The following CBL variants were observed in gnomAD, a reference collection of about 807,000 sequenced individuals.
The protein encoded by CBL is Cbl proto-oncogene.
A neutral mutation model predicts 96.9 loss-of-function variants in CBL; 45 were observed. The ratio of observed to expected loss-of-function variants is 0.46; its 90% CI spans 0.37 to 0.60. CBL has a LOEUF of 0.60. CBL is among the 20% of genes least tolerant of loss of function. The pLI is 0.00. For missense variants in CBL, 1,024 were observed against 1,143.5 expected, an observed-to-expected ratio of 0.90 and a Z score of 1.51; for synonymous variants, 420 against 426.8, an observed-to-expected ratio of 0.98 and a Z score of 0.20.
chr11:119,261,907 G>A (rs542538197), intron 2 of CBL, among the ~76,000 whole-genome samples: 19 of 152,142 alleles, frequency 1.2e-4, no homozygotes, highest in African/African-American at 3.9e-4. Context: ...TAAAATATTT[G>A]TGCTTTAATG....
chr11:119,288,065 G>A, intron 12 of CBL, 119 bp downstream of exon 12: 2 of 703,742 alleles, frequency 2.8e-6, no homozygotes, highest in Non-Finnish European at 5.1e-6. Flanking sequence ...TCTGCACCAT[G>A]TAGAAATGAT....
chr11:119,280,313 T>G (rs1412147191), intron 9 of CBL, among the ~76,000 whole-genome samples: 1 of 152,216 alleles, frequency 6.6e-6, no homozygotes, highest in Non-Finnish European at 1.5e-5. Flanking sequence ...GATAATGGTA[T>G]TTTGTTTTTT....
chr11:119,223,780 C>T (rs1949431200), intron 1 of CBL, among the ~76,000 whole-genome samples: 1 of 152,032 alleles, frequency 6.6e-6, no homozygotes, highest in Admixed American at 6.6e-5. Context: ...GCACGTGCCA[C>T]CACACTCAGC....
At chr11:119,271,951 C>G (rs557329895) in intron 3 of CBL, 70 bp downstream of exon 3, 10 of 1,447,260 alleles carry the variant, frequency 6.9e-6, no homozygotes, top group Non-Finnish European at 9.6e-6. Flanking sequence ...TACTTTTTTA[C>G]TAATGAAATA....
At chr11:119,227,122 A>G (rs1425313292) in intron 1 of CBL, among the ~76,000 whole-genome samples, 1 of 152,146 alleles carries the variant, frequency 6.6e-6, no homozygotes, top group East Asian at 1.9e-4. Flanking sequence ...TATCCATATA[A>G]CCATTCTGCC....
At position 119,308,063 on chromosome 11, in the gene CBL, TAC is replaced by T. The variant is rs948058817; in HGVS notation, c.*8286_*8287del. Reference sequence around the variant, plus strand: ...ATTTATTAATTTTTTTTCATTTCCATACACAGTTAGTTAACTAAAGAGCTTTT... The same window carrying T: ...ATTTATTAATTTTTTTTCATTTCCATACAGTTAGTTAACTAAAGAGCTTTT... On this transcript the variant is annotated 3_prime_UTR_variant, in exon 16 of 16. Coordinates refer to ENST00000264033, the MANE Select transcript of CBL (RefSeq NM_005188.4). The T allele has an allele frequency of 1.7e-4, 31 of 178,496 alleles. 2 individuals carry two copies. Among genetic ancestry groups the T allele is most frequent in the Non-Finnish European group, 1.2e-5 (1 of 82,840 alleles). The allele number at this position is 178,496 out of a possible 1,614,324, so 11.1% of individuals were successfully genotyped here. A position where few individuals can be genotyped will look rare whatever the true frequency, so the allele number is the denominator to read the frequency against.
At chr11:119,240,706 C>T (rs1416248972) in intron 2 of CBL, among the ~76,000 whole-genome samples, 4 of 152,120 alleles carry the variant, frequency 2.6e-5, no homozygotes, top group Non-Finnish European at 4.4e-5. Context: ...CCTTCATAGC[C>T]ATGTGCATGG....
intron 1 of CBL, among the ~76,000 whole-genome samples, chr11:119,209,083 C>T (rs931049493): frequency 6.6e-6 from 1 of 152,138 alleles, no homozygotes; most frequent in African/African-American, 2.4e-5. Context: ...GTAGTACTTT[C>T]TAATGTGTTA....
intron 2 of CBL, among the ~76,000 whole-genome samples, chr11:119,265,825 C>G (rs1949798184): frequency 6.6e-6 from 1 of 152,004 alleles, no homozygotes; most frequent in South Asian, 2.1e-4. Flanking sequence ...AAGTTCGAGA[C>G]CAGCCTGACC....
chr11:119,243,569 T>C (rs370372520), intron 2 of CBL, among the ~76,000 whole-genome samples: 10 of 150,336 alleles, frequency 6.7e-5, no homozygotes, highest in African/African-American at 2.2e-4. Flanking sequence ...ATATGTTAAA[T>C]AGGCTATAGA....
At chr11:119,210,892 G>A (rs190692596) in intron 1 of CBL, among the ~76,000 whole-genome samples, 1 of 152,120 alleles carries the variant, frequency 6.6e-6, no homozygotes, top group Admixed American at 6.5e-5. Context: ...GACACCCAGT[G>A]GATGCCTGAA....
chr11:119,207,525 C>T (rs1480880765), intron 1 of CBL, among the ~76,000 whole-genome samples: 1 of 152,094 alleles, frequency 6.6e-6, no homozygotes, highest in Admixed American at 6.6e-5. Flanking sequence ...TTGCTTTTTG[C>T]AAGTGCGAAC....
Position 119,281,073 on chromosome 11 carries a change from T to C in CBL, c.1431+2360T>C, listed in dbSNP as rs114659143. Among the ~76,000 whole-genome samples, 855 of 152,316 alleles carry C rather than the reference T, an allele frequency of 5.6e-3. 8 individuals carry two copies. The highest frequency in any genetic ancestry group is 0.016 in the South Asian group (79 of 4,828). On this transcript the variant is annotated intron_variant, in intron 9 of 15. Transcript: ENST00000264033. The stretch of plus-strand genomic sequence containing the variant: ...ATAGTTTCTATGAAATAAAATCTGT[T>C]AGTATAGTAGTATGTGATACCGTGT...
At chr11:119,254,759 G>A (rs1203924762) in intron 2 of CBL, among the ~76,000 whole-genome samples, 3 of 151,952 alleles carry the variant, frequency 2.0e-5, no homozygotes, top group East Asian at 1.9e-4. Context: ...GCACCACCAC[G>A]CCCAGCTAAT....
chr11:119,301,118 C>T lies in CBL; in HGVS notation c.*1337C>T, dbSNP rs1216360680. 4.3e-6 allele frequency: 1 copy of T among 233,304 alleles called. No individual in the cohort carries two copies. Among genetic ancestry groups the T allele is most frequent in the East Asian group, 6.0e-5 (1 of 16,588 alleles). The allele number at this position is 233,304 out of a possible 1,614,324, so 14.5% of individuals were successfully genotyped here. A position where few individuals can be genotyped will look rare whatever the true frequency, so the allele number is the denominator to read the frequency against. On this transcript the variant is annotated 3_prime_UTR_variant, in exon 16 of 16. Transcript: ENST00000264033. The stretch of plus-strand genomic sequence containing the variant: ...TGTGGTTCTTTTCTTGTGCCTGTGG[C>T]TTTGGGAATGTAACATCTCTTTCCT...
Position 119,304,589 on chromosome 11 carries a change from C to G in CBL, c.*4808C>G, listed in dbSNP as rs1950122262. ...CTCAAGTCTACACCACCTTCCAACT[C>G]TGGGGATCACCATGAACAAATTCTC... On this transcript the variant is annotated 3_prime_UTR_variant, in exon 16 of 16. Coordinates refer to ENST00000264033, the MANE Select transcript of CBL (RefSeq NM_005188.4). 4.3e-6 allele frequency: 1 copy of G among 231,816 alleles called. No individual in the cohort carries two copies. Among genetic ancestry groups the G allele is most frequent in the South Asian group, 1.8e-4 (1 of 5,516 alleles). 14.4% of individuals were successfully genotyped at this position (231,816 alleles called of 1,614,324 possible). A position where few individuals can be genotyped will look rare whatever the true frequency, so the allele number is the denominator to read the frequency against.
rs1217442263 is a variant in CBL at position 119,301,901 on chromosome 11, A to C, written c.*2120A>C. 4.5e-6 allele frequency: 1 copy of C among 222,592 alleles called. No homozygotes were observed. Among genetic ancestry groups the C allele is most frequent in the African/African-American group, 2.3e-5 (1 of 44,086 alleles). 13.8% of individuals were successfully genotyped at this position (222,592 alleles called of 1,614,324 possible). ...ATTGAAGGCCTAGACAAAGAACTAG[A>C]AAAAAAAAAGCAGTTTCCAGGCCCA... On this transcript the variant is annotated 3_prime_UTR_variant, in exon 16 of 16. Transcript: ENST00000264033.
chr11:119,284,311 TTTTA>T (rs1265738785), intron 9 of CBL, among the ~76,000 whole-genome samples: 1 of 152,100 alleles, frequency 6.6e-6, no homozygotes, highest in Non-Finnish European at 1.5e-5. Flanking sequence ...TTTTTTTTTA[TTTTA>T]TTTTTGTCGA....
chr11:119,228,371 C>T (rs1042215107), intron 1 of CBL, among the ~76,000 whole-genome samples: 1 of 151,950 alleles, frequency 6.6e-6, no homozygotes, highest in Non-Finnish European at 1.5e-5. Context: ...TTTGGGAGGT[C>T]GAGGTGGGCG....
Sources: gnomAD v4.1 joint callset for allele counts (sites outside exome capture counted in the v4.1 genomes callset) on GRCh38, gnomAD v4.1.1 for gene constraint, MANE v1.5 for transcripts, NCBI Gene and HGNC (gene_info 2026-07-23, HGNC 2026-07-21) for gene names.